PLXNA4: variants seen among roughly 807,000 people sequenced by gnomAD.
PLXNA4 encodes plexin-A4.
Under a neutral mutation model 191.8 loss-of-function variants are expected in PLXNA4, and 44 were observed. That is an observed-to-expected ratio of 0.23 (90% CI 0.18 to 0.29). The LOEUF (loss-of-function observed/expected upper bound fraction) is 0.29, where lower values mean the gene tolerates loss of function less well. Ranked by LOEUF, PLXNA4 falls within the 10% of genes least tolerant of loss-of-function variation. The probability of loss-of-function intolerance (pLI) is 1.00; values close to 1 mark genes in which losing one functional copy is unlikely to be tolerated. For synonymous variants in PLXNA4, 1,082 were observed against 1,009.5 expected (o/e 1.07, Z -1.36); for missense variants, 1,800 against 2,488.8 (o/e 0.72, Z 5.89).
At chr7:132,150,146 G>A (rs554041092) in intron 25 of PLXNA4, among the ~76,000 whole-genome samples, 1 of 152,296 alleles carries the variant, frequency 6.6e-6, no homozygotes, top group Non-Finnish European at 1.5e-5. Context: ...TAGTCCTGTG[G>A]ATGTCACAGC....
intron 10 of PLXNA4, among the ~76,000 whole-genome samples, chr7:132,210,626 A>G (rs551378709): frequency 1.3e-5 from 2 of 152,322 alleles, no homozygotes; most frequent in African/African-American, 4.8e-5. Flanking sequence ...CCTGGAGCCC[A>G]GCGTCTGCCC....
intron 3 of PLXNA4, among the ~76,000 whole-genome samples, chr7:132,393,215 G>A (rs1316131877): frequency 4.1e-5 from 1 of 24,384 alleles, no homozygotes; most frequent in African/African-American, 2.0e-4. Flanking sequence ...CACCACCACT[G>A]ACCCCAGCCC....
intron 4 of PLXNA4, among the ~76,000 whole-genome samples, chr7:132,264,842 C>T (rs563462273): frequency 6.6e-6 from 1 of 152,120 alleles, no homozygotes; most frequent in East Asian, 1.9e-4. Context: ...GGATTACAGG[C>T]GCCTGCCACC....
intron 3 of PLXNA4, among the ~76,000 whole-genome samples, chr7:132,479,610 G>T (rs905166691): frequency 6.6e-6 from 1 of 152,164 alleles, no homozygotes; most frequent in East Asian, 1.9e-4. Flanking sequence ...GAGTGGTTTT[G>T]GGGGGAAGAG....
intron 30 of PLXNA4, among the ~76,000 whole-genome samples, chr7:132,134,572 T>G (rs1795059152): frequency 6.6e-6 from 1 of 152,154 alleles, no homozygotes; most frequent in Non-Finnish European, 1.5e-5. Flanking sequence ...ATGACAGCTG[T>G]GCTCCCTGGC....
intron 3 of PLXNA4, among the ~76,000 whole-genome samples, chr7:132,424,601 G>A (rs1401894118): frequency 2.6e-5 from 4 of 152,028 alleles, no homozygotes; most frequent in Admixed American, 1.3e-4. Flanking sequence ...CCTCCCCCAT[G>A]TGAGGACACT....
chr7:132,263,198 T>C (rs1174015207), intron 4 of PLXNA4, among the ~76,000 whole-genome samples: 1 of 152,114 alleles, frequency 6.6e-6, no homozygotes, highest in African/African-American at 2.4e-5. Context: ...TTGGCAGAGA[T>C]GCAAAATGGG....
chr7:132,497,836 T>G (rs544304734), intron 2 of PLXNA4, among the ~76,000 whole-genome samples: 5 of 152,250 alleles, frequency 3.3e-5, no homozygotes, highest in African/African-American at 9.6e-5. Context: ...GCTCATACAC[T>G]CAGTTACTAA....
intron 3 of PLXNA4, among the ~76,000 whole-genome samples, chr7:132,482,701 T>TG (rs899523357): frequency 6.6e-6 from 1 of 150,640 alleles, no homozygotes; most frequent in East Asian, 2.0e-4. Flanking sequence ...GAAACTTTTT[T>TG]TTTTTTTTTG....
chr7:132,622,422 A>T (rs530615691), intron 2 of PLXNA4, among the ~76,000 whole-genome samples: 2 of 152,282 alleles, frequency 1.3e-5, no homozygotes, highest in South Asian at 4.1e-4. Flanking sequence ...CATTAAAATG[A>T]TTGCAAATGC....
intron 25 of PLXNA4, among the ~76,000 whole-genome samples, chr7:132,153,723 C>T (rs1477395193): frequency 6.6e-6 from 1 of 152,174 alleles, no homozygotes; most frequent in African/African-American, 2.4e-5. Flanking sequence ...CCCCTACCTA[C>T]CAGTAGGTGC....
At chr7:132,316,191 C>G (rs1801937473) in intron 3 of PLXNA4, among the ~76,000 whole-genome samples, 1 of 152,216 alleles carries the variant, frequency 6.6e-6, no homozygotes, top group Non-Finnish European at 1.5e-5. Flanking sequence ...AAAAATGCGA[C>G]TCTATCACCA....
rs1050052589 is a variant in PLXNA4, at chr7:132,178,388, C to A, written c.3874+1299G>T. Among the ~76,000 whole-genome samples the A allele has an allele frequency of 5.3e-5, 8 of 152,306 alleles. No individual in the cohort carries two copies. In the South Asian group the frequency reaches 1.2e-3, roughly 24 times the overall value. On this transcript the variant is annotated intron_variant, in intron 20 of 31. Transcript: ENST00000321063. ...CCTCCCAGTTGGGGTGCTCGGCCCA[C>A]AGGGAGCAGAAGGAGGGAGTTGGCT...
At chr7:132,581,923 G>A (rs548551671), upstream of PLXNA4, among the ~76,000 whole-genome samples, 5 of 152,178 alleles carry the variant, frequency 3.3e-5, no homozygotes, top group East Asian at 7.7e-4. Context: ...CTTTTTAACC[G>A]CAGAAACCAG....
chr7:132,182,453 C>G (rs1313357582), intron 16 of PLXNA4, among the ~76,000 whole-genome samples: 5 of 152,132 alleles, frequency 3.3e-5, no homozygotes, highest in Admixed American at 1.3e-4. Context: ...GAGGCCCAGT[C>G]AACAGCACAG....
At chr7:132,496,903 C>T (rs1480680588) in intron 2 of PLXNA4, among the ~76,000 whole-genome samples, 1 of 152,158 alleles carries the variant, frequency 6.6e-6, no homozygotes, top group African/African-American at 2.4e-5. Flanking sequence ...AGGCCCCTGA[C>T]CACTCACTTA....
At chr7:132,327,037 AGAGGGAGGGAGAGAAGAAAG>A (rs201628523) in intron 3 of PLXNA4, among the ~76,000 whole-genome samples, 13 of 92,314 alleles carry the variant, frequency 1.4e-4, no homozygotes, top group Admixed American at 4.2e-4. Context: ...AAGGAAGAAA[AGAGGGAGGGAGAGAAGAAAG>A]GAGGGAGGGA....
At chr7:132,214,713 C>T (rs1047857224) in intron 9 of PLXNA4, among the ~76,000 whole-genome samples, 5 of 152,292 alleles carry the variant, frequency 3.3e-5, no homozygotes, top group Non-Finnish European at 5.9e-5. Flanking sequence ...GGACTCAGGG[C>T]ACCCAGACCT....
chr7:132,580,028 C>T (rs1013821491), upstream of PLXNA4, among the ~76,000 whole-genome samples: 4 of 152,050 alleles, frequency 2.6e-5, no homozygotes, highest in East Asian at 3.9e-4. Flanking sequence ...CAATTTGGAG[C>T]GGGTCACGTC....
Sources: allele counts gnomAD v4.1 joint callset (sites outside exome capture counted in the v4.1 genomes callset), GRCh38; gene constraint gnomAD v4.1.1; transcripts MANE v1.5; gene names NCBI Gene and HGNC (gene_info 2026-07-23, HGNC 2026-07-21).